CSNK1G1: variants seen among roughly 807,000 people sequenced by gnomAD.
CSNK1G1 encodes casein kinase 1 gamma 1.
Under a neutral mutation model 59.6 loss-of-function variants are expected in CSNK1G1, and 22 were observed. The observed-to-expected ratio is 0.37, with a 90% CI of 0.26 to 0.53. The LOEUF (loss-of-function observed/expected upper bound fraction) is 0.53. Ranked by LOEUF, CSNK1G1 falls within the 20% of genes least tolerant of loss-of-function variation. CSNK1G1 has a pLI of 0.89. For synonymous variants in CSNK1G1, 179 were observed against 177.1 expected, an observed-to-expected ratio of 1.01 and a Z score of -0.08; for missense variants, 384 against 519.5, an observed-to-expected ratio of 0.74 and a Z score of 2.54.
Position 64,230,070 on chromosome 15 carries a change from C to T in CSNK1G1, c.293-13357G>A, listed in dbSNP as rs546308002. ...TGGAGTAGCTGGGATTACAAGCATG[C>T]GCCACCGTGCCCGGCTAATTTTTAT... On this transcript the variant is annotated intron_variant, in intron 4 of 11. Coordinates refer to ENST00000303052, the MANE Select transcript of CSNK1G1 (RefSeq NM_022048.5). Among the ~76,000 whole-genome samples, 60 of 150,948 alleles carry T rather than the reference C, an allele frequency of 4.0e-4. No homozygotes were observed. The South Asian group carries it at 0.012, about 30-fold the overall frequency.
intron 10 of CSNK1G1, among the ~76,000 whole-genome samples, chr15:64,191,131 G>A (rs1432981805): frequency 1.3e-5 from 2 of 151,890 alleles, no homozygotes; most frequent in Admixed American, 6.6e-5. Flanking sequence ...GCACGATCTC[G>A]GCTCACTGCA....
rs759124162 is a variant in CSNK1G1, at chr15:64,171,943, C to T, written c.1257G>A (p.Gln419=). 8.1e-6 allele frequency: 13 copies of T among 1,614,030 alleles called. No individual in the cohort carries two copies. The East Asian group carries it at 2.7e-4, about 33-fold the overall frequency. Residue 419 remains glutamine (Q), a synonymous_variant, in exon 12 of 12, where the codon CAG becomes CAA. Coordinates refer to ENST00000303052, the MANE Select transcript of CSNK1G1 (RefSeq NM_022048.5). This position sits in a 1 kb window ranked among gnomAD's most constrained non-coding sequence, Gnocchi z 4.8. ...FFKRKRKKTA[Q]RHK is the part of the protein sequence containing the mutation. ...TGGGAGGCACTGGTCACTTGTGGCG[C>T]TGAGCAGTCTTCTTCCTTTTCCTCT...
At chr15:64,282,438 T>C (rs918291164) in intron 2 of CSNK1G1, among the ~76,000 whole-genome samples, 2 of 151,988 alleles carry the variant, frequency 1.3e-5, no homozygotes, top group African/African-American at 4.8e-5. Flanking sequence ...TTAATTTTTA[T>C]ATCTTTTTGT....
intron 9 of CSNK1G1, among the ~76,000 whole-genome samples, chr15:64,203,693 G>A (rs1252156720): frequency 6.1e-5 from 4 of 65,144 alleles, no homozygotes; most frequent in African/African-American, 3.0e-4. Flanking sequence ...GTGAAACTCC[G>A]TAAAAAAAAA....
intron 1 of CSNK1G1, among the ~76,000 whole-genome samples, chr15:64,344,419 G>A (rs1235193949): frequency 6.6e-6 from 1 of 152,076 alleles, no homozygotes; most frequent in Admixed American, 6.6e-5. Context: ...TATCTCCGCT[G>A]TGCAAAAAAT....
intron 2 of CSNK1G1, among the ~76,000 whole-genome samples, chr15:64,292,548 T>C (rs1196422047): frequency 6.6e-6 from 1 of 152,188 alleles, no homozygotes; most frequent in Non-Finnish European, 1.5e-5. Context: ...AAGGATAATA[T>C]GAATATTATT....
chr15:64,287,675 C>T (rs1701336082), intron 2 of CSNK1G1, among the ~76,000 whole-genome samples: 1 of 152,090 alleles, frequency 6.6e-6, no homozygotes, highest in South Asian at 2.1e-4. Context: ...TCAATGAGGG[C>T]AATGATCCAT....
intron 2 of CSNK1G1, among the ~76,000 whole-genome samples, chr15:64,269,860 G>A (rs1040922791): frequency 6.6e-6 from 1 of 152,012 alleles, no homozygotes; most frequent in South Asian, 2.1e-4. Context: ...TTGGAGTGCA[G>A]GGGTGCAATC....
intron 2 of CSNK1G1, among the ~76,000 whole-genome samples, chr15:64,285,622 T>C (rs1894366202): frequency 6.6e-6 from 1 of 152,122 alleles, no homozygotes; most frequent in African/African-American, 2.4e-5. Context: ...CAAACATTAA[T>C]CCAAACTACC....
intron 2 of CSNK1G1, among the ~76,000 whole-genome samples, chr15:64,284,017 T>C (rs1894280230): frequency 6.6e-6 from 1 of 152,310 alleles, no homozygotes; most frequent in South Asian, 2.1e-4. Flanking sequence ...TTTTTATTTG[T>C]GGTATGAGGT....
At chr15:64,344,291 T>C (rs758298445) in intron 1 of CSNK1G1, among the ~76,000 whole-genome samples, 1 of 152,220 alleles carries the variant, frequency 6.6e-6, no homozygotes, top group Non-Finnish European at 1.5e-5. Flanking sequence ...ATTCACCAGA[T>C]GCATATTAAA....
chr15:64,184,052 C>T (rs191015389), intron 10 of CSNK1G1, among the ~76,000 whole-genome samples: 308 of 152,168 alleles, frequency 2.0e-3, no homozygotes, highest in African/African-American at 7.2e-3. Context: ...GCCTGTAATC[C>T]CAGCATTTTG....
At chr15:64,251,474 T>C (rs755554400) in intron 4 of CSNK1G1, 38 bp downstream of exon 4, 8 of 1,477,410 alleles carry the variant, frequency 5.4e-6, no homozygotes, top group African/African-American at 1.4e-5. Context: ...CCAGCTAAGA[T>C]ACATACTAAG....
chr15:64,209,844 G>A (rs1451941682), intron 6 of CSNK1G1, among the ~76,000 whole-genome samples: 2 of 152,016 alleles, frequency 1.3e-5, no homozygotes, highest in African/African-American at 4.8e-5. Flanking sequence ...TCCACTTCCT[G>A]TAACAAGAAG....
chr15:64,320,340 C>G (rs1357107741), intron 1 of CSNK1G1, among the ~76,000 whole-genome samples: 1 of 152,016 alleles, frequency 6.6e-6, no homozygotes, highest in Non-Finnish European at 1.5e-5. Flanking sequence ...GTGGGTGTCC[C>G]ACCTAACAGG....
chr15:64,325,471 C>T (rs1045065953), intron 1 of CSNK1G1, among the ~76,000 whole-genome samples: 20 of 152,272 alleles, frequency 1.3e-4, no homozygotes, highest in Admixed American at 7.2e-4. Context: ...ATTATAATGG[C>T]TTACTTACTT....
intron 1 of CSNK1G1, among the ~76,000 whole-genome samples, chr15:64,351,492 T>C (rs12148898): frequency 0.79 from 120,232 of 152,188 alleles, 48,775 homozygotes; most frequent in East Asian, 0.95. Flanking sequence ...GAAGTGGTGA[T>C]TGAGAAATCT....
chr15:64,179,989 T>C (rs753887195), intron 11 of CSNK1G1: 5 of 186,650 alleles, frequency 2.7e-5, no homozygotes, highest in African/African-American at 6.9e-5. Context: ...TCGAATGCTA[T>C]TCAGCATGGC....
intron 10 of CSNK1G1, chr15:64,181,235 G>C: frequency 6.5e-7 from 1 of 1,535,432 alleles, no homozygotes; most frequent in African/African-American, 1.4e-5. Flanking sequence ...CTCACTGATG[G>C]TCCCCGAAAT....
Sources: gnomAD v4.1 joint callset for allele counts (sites outside exome capture counted in the v4.1 genomes callset) on GRCh38, gnomAD v4.1.1 for gene constraint, Gnocchi (gnomAD v3.1) non-coding constraint, MANE v1.5 for transcripts, NCBI Gene and HGNC (gene_info 2026-07-23, HGNC 2026-07-21) for gene names.